RFWD3: variants seen among roughly 807,000 people sequenced by gnomAD.
RFWD3 encodes the protein E3 ubiquitin-protein ligase RFWD3.
In RFWD3, 65 loss-of-function variants were observed where a neutral mutation model predicts 87.7. The observed-to-expected ratio is 0.74, with a 90% CI of 0.61 to 0.91. RFWD3 has a LOEUF of 0.91. Among genes scored for constraint, RFWD3 ranks in the 40% least tolerant of loss-of-function variants. The pLI, the probability that RFWD3 is intolerant of heterozygous loss-of-function variation, is 0.00. For missense variants in RFWD3, 1,078 were observed against 938.5 expected (o/e 1.15, Z -1.94); for synonymous variants, 433 against 352.8 (o/e 1.23, Z -2.55).
chr16:74,643,053 C>T (rs1310121875), intron 6 of RFWD3, among the ~76,000 whole-genome samples: 3 of 152,132 alleles, frequency 2.0e-5, no homozygotes, highest in Non-Finnish European at 4.4e-5. Flanking sequence ...TTTAAAAACG[C>T]TACAAGTGAG....
chr16:74,637,709 A>G (rs960764716), intron 7 of RFWD3, 147 bp downstream of exon 7: 3 of 580,160 alleles, frequency 5.2e-6, no homozygotes, highest in Non-Finnish European at 9.5e-6. Flanking sequence ...CAGATGCCCT[A>G]ATCAGAAATA....
Position 74,632,568 on chromosome 16 carries a change from C to A in RFWD3, c.1532G>T (p.Gly511Val). The A allele has an allele frequency of 1.2e-6, 2 of 1,614,074 alleles. No individual in the cohort carries two copies. Among genetic ancestry groups the A allele is most frequent in the Non-Finnish European group, 1.7e-6 (2 of 1,179,960 alleles). The change falls in exon 9 of 13, where the codon GGC (glycine) becomes GTC (valine). Residue 511 changes from glycine (G) to valine (V), a missense_variant. Transcript: ENST00000361070. ...GTCTAGGGAAGCAGAGAGTAGCAAG[C>A]CTCTGAGGTAACTGCTAAACGCCAG... is the stretch of plus-strand genomic sequence containing the variant. ...RGLAFSSYLRGLLLSASLDNT... is the reference protein window; with the variant it reads ...RGLAFSSYLRVLLLSASLDNT...
chr16:74,634,567 T>C (rs191393236), intron 8 of RFWD3, among the ~76,000 whole-genome samples: 19 of 152,100 alleles, frequency 1.2e-4, no homozygotes, highest in African/African-American at 3.9e-4. Flanking sequence ...AAAAATTTTT[T>C]TTATAGCGAT....
At position 74,623,744 on chromosome 16, in the gene RFWD3, CA is replaced by C. The variant is rs1196924625; in HGVS notation, c.*183del. The stretch of plus-strand genomic sequence containing the variant: ...ACCCATCAATTACTCTTTTAGTGGA[CA>C]TAACAGATACACAATCTGTAGTGTC... On this transcript the variant is annotated 3_prime_UTR_variant, in exon 13 of 13. Transcript: ENST00000361070. The C allele has an allele frequency of 3.4e-6, 2 of 583,698 alleles. No individual in the cohort carries two copies. The highest frequency in any genetic ancestry group is 3.0e-6 in the Non-Finnish European group (1 of 335,070). 36.2% of individuals were successfully genotyped at this position (583,698 alleles called of 1,614,324 possible). A position where few individuals can be genotyped will look rare whatever the true frequency, so the allele number is the denominator to read the frequency against.
chr16:74,651,820 A>G (rs1182611620), intron 3 of RFWD3, 100 bp downstream of exon 3: 1 of 1,034,242 alleles, frequency 9.7e-7, no homozygotes, highest in Non-Finnish European at 1.5e-6. Flanking sequence ...TTAGGGGAGA[A>G]AAGGGAAAGT....
At position 74,622,235 on chromosome 16, in the gene RFWD3, G is replaced by C. The variant is rs1958793475; in HGVS notation, c.*1693C>G. 6.6e-6 allele frequency: 1 copy of C among 152,118 alleles called. No homozygotes were observed. The highest frequency in any genetic ancestry group is 1.5e-5 in the Non-Finnish European group (1 of 68,028). 9.4% of individuals were successfully genotyped at this position (152,118 alleles called of 1,614,324 possible). ...CTATTCTGCCACTGAAACTAGGCCT[G>C]GGCAACCACTCTTAATCATTAACAT... On this transcript the variant is annotated 3_prime_UTR_variant, in exon 13 of 13. Coordinates refer to ENST00000361070, the MANE Select transcript of RFWD3 (RefSeq NM_018124.4).
rs916185187 is a variant in RFWD3, at chr16:74,665,756, C to CTTTTT, written c.-3+1025_-3+1029dup. ...GAGACTTTTCTTTCTTTCTTTCTTT[C>CTTTTT]TTTTTTTGAGATGGAGTTTCACTCT... On this transcript the variant is annotated intron_variant, in intron 1 of 12. Coordinates refer to ENST00000361070, the MANE Select transcript of RFWD3 (RefSeq NM_018124.4). Among the ~76,000 whole-genome samples the CTTTTT allele has an allele frequency of 1.3e-4, 19 of 147,370 alleles. No homozygotes were observed. In the East Asian group the frequency reaches 3.2e-3, roughly 25 times the overall value.
intron 10 of RFWD3, 121 bp from the exon 11 acceptor site, chr16:74,628,787 A>G: frequency 1.4e-6 from 1 of 721,136 alleles, no homozygotes; most frequent in Non-Finnish European, 2.3e-6. Context: ...TTTAGTCACT[A>G]TCCTCTGATA....
chr16:74,647,694 C>T (rs1409932940), intron 4 of RFWD3, among the ~76,000 whole-genome samples: 1 of 152,092 alleles, frequency 6.6e-6, no homozygotes, highest in Non-Finnish European at 1.5e-5. Flanking sequence ...CAGGTTCAAG[C>T]GATTCTCCTA....
intron 2 of RFWD3, among the ~76,000 whole-genome samples, chr16:74,653,416 G>A (rs976487204): frequency 6.6e-6 from 1 of 151,924 alleles, no homozygotes; most frequent in Non-Finnish European, 1.5e-5. Flanking sequence ...GAGAGTTTGA[G>A]GCCACAGAGA....
intron 2 of RFWD3, among the ~76,000 whole-genome samples, chr16:74,654,153 G>A (rs1284628377): frequency 6.6e-6 from 1 of 151,960 alleles, no homozygotes; most frequent in African/African-American, 2.4e-5. Context: ...CTCCTATTTG[G>A]TAGTCATGTC....
intron 1 of RFWD3, among the ~76,000 whole-genome samples, chr16:74,665,071 C>A (rs185162873): frequency 6.6e-6 from 1 of 152,154 alleles, no homozygotes; most frequent in Non-Finnish European, 1.5e-5. Context: ...CTTTGTTACT[C>A]AGGTTTCAAT....
At chr16:74,635,604 T>A (rs1407721809) in intron 8 of RFWD3, among the ~76,000 whole-genome samples, 1 of 152,200 alleles carries the variant, frequency 6.6e-6, no homozygotes, top group African/African-American at 2.4e-5. Flanking sequence ...ACAGAACACA[T>A]TCCCAATTTG....
intron 1 of RFWD3, among the ~76,000 whole-genome samples, chr16:74,665,880 G>A (rs1961848728): frequency 6.6e-6 from 1 of 152,008 alleles, no homozygotes. Context: ...CCGAGTAGCT[G>A]GGAAATGGGG....
In RFWD3 at chr16:74,655,598, T is replaced by C. The variant is rs1460662421; in HGVS notation, c.519-3476A>G. Among the ~76,000 whole-genome samples the C allele has an allele frequency of 8.6e-5, 13 of 150,326 alleles. No individual in the cohort carries two copies. In the Admixed American group the frequency reaches 8.8e-4, roughly 10 times the overall value. ...AAAATCCTAGGGTGCTTGAAAATTA[T>C]GCTAAATTTATTCTGTCTGTGCTCT... On this transcript the variant is annotated intron_variant, in intron 2 of 12. Coordinates refer to ENST00000361070, the MANE Select transcript of RFWD3 (RefSeq NM_018124.4).
intron 2 of RFWD3, among the ~76,000 whole-genome samples, chr16:74,655,297 T>A (rs997390303): frequency 2.6e-5 from 4 of 151,960 alleles, no homozygotes; most frequent in Non-Finnish European, 5.9e-5. Flanking sequence ...TAGAGTGCAG[T>A]GGCGTGATCT....
intron 6 of RFWD3, among the ~76,000 whole-genome samples, chr16:74,641,858 G>A (rs531663373): frequency 9.5e-5 from 14 of 147,058 alleles, no homozygotes; most frequent in Admixed American, 2.8e-4. Flanking sequence ...CCTGGGAGGC[G>A]GGAAGTTGTA....
chr16:74,626,902 G>C (rs1392374083), intron 11 of RFWD3, among the ~76,000 whole-genome samples: 1 of 152,080 alleles, frequency 6.6e-6, no homozygotes, highest in Non-Finnish European at 1.5e-5. Context: ...CTCAGTAAAA[G>C]GTTTTTCCCT....
chr16:74,632,099 A>G (rs151008735), intron 9 of RFWD3, among the ~76,000 whole-genome samples: 167 of 152,222 alleles, frequency 1.1e-3, no homozygotes, highest in African/African-American at 3.8e-3. Flanking sequence ...AAAAAAACAG[A>G]GCTAAGGTCG....
Sources: allele counts gnomAD v4.1 joint callset (sites outside exome capture counted in the v4.1 genomes callset), GRCh38; gene constraint gnomAD v4.1.1; transcripts MANE v1.5; gene names NCBI Gene and HGNC (gene_info 2026-07-23, HGNC 2026-07-21).